CNTN5: variants seen among roughly 807,000 people sequenced by gnomAD.
CNTN5 encodes the protein contactin 5, also known as contactin-5.
CNTN5 carries 77 observed loss-of-function variants against 129.1 expected under a neutral mutation model. That is an observed-to-expected ratio of 0.60 (90% CI 0.50 to 0.72). The LOEUF is 0.72. Ranked by LOEUF, CNTN5 falls within the 30% of genes least tolerant of loss-of-function variation. The pLI, the probability that CNTN5 is intolerant of heterozygous loss-of-function variation, is 0.00. For missense variants in CNTN5, 1,478 were observed against 1,328.8 expected (o/e 1.11, Z -1.75); for synonymous variants, 509 against 465.6 (o/e 1.09, Z -1.20).
intron 16 of CNTN5, among the ~76,000 whole-genome samples, chr11:100,239,714 G>C (rs749692766): frequency 6.6e-6 from 1 of 152,170 alleles, no homozygotes; most frequent in Non-Finnish European, 1.5e-5. Context: ...TGACTTTCAA[G>C]TTATTCTAGA....
At chr11:99,338,624 A>C (rs1866345172) in intron 2 of CNTN5, among the ~76,000 whole-genome samples, 1 of 152,058 alleles carries the variant, frequency 6.6e-6, no homozygotes, top group African/African-American at 2.4e-5. Context: ...ATAGTATTTC[A>C]TTCTGCTTTG....
intron 14 of CNTN5, among the ~76,000 whole-genome samples, chr11:100,191,508 C>A (rs2138505483): frequency 6.6e-6 from 1 of 152,136 alleles, no homozygotes; most frequent in East Asian, 1.9e-4. Flanking sequence ...ATGAGGCAAG[C>A]TTTCTGAAGT....
At chr11:99,622,692 ATTC>A (rs1231773110) in intron 3 of CNTN5, among the ~76,000 whole-genome samples, 1 of 152,110 alleles carries the variant, frequency 6.6e-6, no homozygotes, top group African/African-American at 2.4e-5. Context: ...ATTTCATTGT[ATTC>A]TTAAATTTGG....
At chr11:100,093,392 T>C (rs1223249108) in intron 13 of CNTN5, among the ~76,000 whole-genome samples, 4 of 152,004 alleles carry the variant, frequency 2.6e-5, no homozygotes, top group Non-Finnish European at 4.4e-5. Flanking sequence ...TCCTGAGTAG[T>C]GGGGACTACA....
intron 16 of CNTN5, among the ~76,000 whole-genome samples, chr11:100,255,348 T>A (rs1003949983): frequency 3.3e-5 from 5 of 149,720 alleles, no homozygotes; most frequent in African/African-American, 1.2e-4. Context: ...CTCTAGCCAC[T>A]TGTAGTATTT....
At chr11:100,159,647 T>C (rs1280965345) in intron 13 of CNTN5, among the ~76,000 whole-genome samples, 1 of 151,874 alleles carries the variant, frequency 6.6e-6, no homozygotes, top group Non-Finnish European at 1.5e-5. Flanking sequence ...CATGCATTGG[T>C]TTAAAGAACA....
rs193084478 is a variant in CNTN5, at chr11:99,099,994, G to A, written c.-210+78724G>A. On this transcript the variant is annotated intron_variant, in intron 1 of 24. Coordinates refer to ENST00000524871, the MANE Select transcript of CNTN5 (RefSeq NM_014361.4). ...CATATTCTATTATTTCATAGTTAAT[G>A]TTGGTGTCTTGGTACATTAAATCGT... Among the ~76,000 whole-genome samples the A allele has an allele frequency of 3.9e-3, 593 of 152,172 alleles. 1 individual carries two copies. Among genetic ancestry groups the A allele is most frequent in the Non-Finnish European group, 6.6e-3 (446 of 67,982 alleles).
chr11:99,213,443 CAT>C (rs1166768539), intron 1 of CNTN5, among the ~76,000 whole-genome samples: 18 of 141,900 alleles, frequency 1.3e-4, no homozygotes, highest in South Asian at 2.1e-4. Context: ...TATATATACA[CAT>C]ATATGTATAT....
chr11:100,230,229 AC>A (rs1370379251), intron 16 of CNTN5, among the ~76,000 whole-genome samples: 1 of 152,178 alleles, frequency 6.6e-6, no homozygotes, highest in African/African-American at 2.4e-5. Flanking sequence ...AATTTCATTC[AC>A]GCTATCTCTT....
intron 3 of CNTN5, among the ~76,000 whole-genome samples, chr11:99,784,551 T>C (rs7117905): frequency 0.12 from 18,115 of 152,048 alleles, 1,652 homozygotes; most frequent in East Asian, 0.41. Flanking sequence ...CATGTGTCTT[T>C]ATAGTAAAAT....
At chr11:99,767,137 A>G (rs1223682884) in intron 3 of CNTN5, among the ~76,000 whole-genome samples, 1 of 151,986 alleles carries the variant, frequency 6.6e-6, no homozygotes, top group African/African-American at 2.4e-5. Context: ...CTCTACTTCT[A>G]TCTCTATATC....
chr11:100,285,614 C>G (rs772706916), intron 18 of CNTN5, among the ~76,000 whole-genome samples: 1 of 152,194 alleles, frequency 6.6e-6, no homozygotes, highest in Non-Finnish European at 1.5e-5. Context: ...ACTATGCTAA[C>G]ACATTTTTCC....
chr11:99,531,677 C>T (rs1008750461), intron 2 of CNTN5, among the ~76,000 whole-genome samples: 5 of 152,158 alleles, frequency 3.3e-5, no homozygotes, highest in Non-Finnish European at 5.9e-5. Flanking sequence ...CCGTTCCAGC[C>T]GTGGCTGAAA....
At chr11:99,623,172 T>C (rs1308786726) in intron 3 of CNTN5, among the ~76,000 whole-genome samples, 6 of 152,090 alleles carry the variant, frequency 3.9e-5, no homozygotes. Flanking sequence ...TTGGTACCTA[T>C]TTACCGCTTA....
chr11:99,619,206 A>G (rs1388707047), intron 3 of CNTN5, among the ~76,000 whole-genome samples: 2 of 152,100 alleles, frequency 1.3e-5, no homozygotes, highest in African/African-American at 4.8e-5. Flanking sequence ...AAAAAACTAT[A>G]TTAGATTTTA....
At chr11:100,009,744 A>G (rs1940412201) in intron 9 of CNTN5, among the ~76,000 whole-genome samples, 1 of 152,140 alleles carries the variant, frequency 6.6e-6, no homozygotes, top group African/African-American at 2.4e-5. Flanking sequence ...AATGGTTTAG[A>G]TGTAATGTTC....
intron 1 of CNTN5, among the ~76,000 whole-genome samples, chr11:99,280,902 A>G (rs142667121): frequency 3.3e-5 from 5 of 151,902 alleles, no homozygotes; most frequent in African/African-American, 1.2e-4. Flanking sequence ...ATTATATTGA[A>G]TATATTTACA....
chr11:99,499,566 G>T (rs1362211320), intron 2 of CNTN5, among the ~76,000 whole-genome samples: 2 of 152,086 alleles, frequency 1.3e-5, no homozygotes, highest in Non-Finnish European at 1.5e-5. Context: ...AAATTACCCA[G>T]TCTCAGGTAT....
intron 1 of CNTN5, among the ~76,000 whole-genome samples, chr11:99,288,188 T>C (rs1472905221): frequency 1.3e-5 from 2 of 152,060 alleles, no homozygotes; most frequent in Admixed American, 1.3e-4. Context: ...GTGGAATATA[T>C]GAAAGCAAAT....
Sources: gnomAD v4.1 joint callset for allele counts (sites outside exome capture counted in the v4.1 genomes callset) on GRCh38, gnomAD v4.1.1 for gene constraint, MANE v1.5 for transcripts, NCBI Gene and HGNC (gene_info 2026-07-23, HGNC 2026-07-21) for gene names.